The following COIL variants were observed in gnomAD, a reference collection of about 807,000 sequenced individuals.
COIL encodes coilin p80.
A neutral mutation model predicts 51.6 loss-of-function variants in COIL; 28 were observed. That is an observed-to-expected ratio of 0.54 (90% CI 0.40 to 0.74). The LOEUF is 0.74. COIL is among the 30% of genes least tolerant of loss of function. COIL has a pLI of 0.00. For synonymous variants in COIL, 233 were observed against 255.8 expected (o/e 0.91, Z 0.85); for missense variants, 667 against 685.9 (o/e 0.97, Z 0.31).
At chr17:56,959,112 A>G (rs932363334) in intron 1 of COIL, among the ~76,000 whole-genome samples, 1 of 152,138 alleles carries the variant, frequency 6.6e-6, no homozygotes, top group African/African-American at 2.4e-5. Context: ...TGGGGGGCTG[A>G]GGTGAGAGGA....
rs775815990 is a variant in COIL at position 56,942,130 on chromosome 17, CAAG to C, written c.1559-10_1559-8del. The C allele has an allele frequency of 1.2e-6, 2 of 1,607,688 alleles. No homozygotes were observed. Among genetic ancestry groups the C allele is most frequent in the Non-Finnish European group, 8.5e-7 (1 of 1,174,152 alleles). On this transcript the variant is annotated splice_region_variant and splice_polypyrimidine_tract_variant and intron_variant, in intron 5 of 6. Coordinates refer to ENST00000240316, the MANE Select transcript of COIL (RefSeq NM_004645.3). ...TTCCCAGGTTCTCTCAAGGCTGAAA[CAAG>C]AAGATAGGGAGGAAAGAGAGTAAGT... is the stretch of plus-strand genomic sequence containing the variant.
rs552680379 is a variant in COIL, at chr17:56,951,148, C to A, written c.246-152G>T. 56 of 745,414 alleles carry A rather than the reference C, an allele frequency of 7.5e-5. No individual in the cohort carries two copies. The African/African-American group carries it at 9.5e-4, about 13-fold the overall frequency. 46.2% of individuals were successfully genotyped at this position (745,414 alleles called of 1,614,324 possible). On this transcript the variant is annotated intron_variant, in intron 1 of 6. Coordinates refer to ENST00000240316, the MANE Select transcript of COIL (RefSeq NM_004645.3). ...CTTAAAGACAAAAGACTCTTTCTGG[C>A]AAAATGGCCTATGTAGCATTACTCA...
Position 56,950,176 on chromosome 17 carries a change from C to G in COIL, c.1066G>C (p.Gly356Arg). 6.2e-7 allele frequency: 1 copy of G among 1,614,150 alleles called. No individual in the cohort carries two copies. The highest frequency in any genetic ancestry group is 8.5e-7 in the Non-Finnish European group (1 of 1,180,028). ...GCACCTGCAGTCTGTGATGACAGCCCTGGGCCTGGACGACCTCTTCCTGCA... is the reference window on the plus strand; with the variant it reads ...GCACCTGCAGTCTGTGATGACAGCCGTGGGCCTGGACGACCTCTTCCTGCA... ...LFAGRGRPGP[G>R]LSSQTAGAAG... The change falls in exon 2 of 7, where the codon GGG becomes CGG. Residue 356 changes from glycine (G) to arginine (R), a missense_variant. Coordinates refer to ENST00000240316, the MANE Select transcript of COIL (RefSeq NM_004645.3).
At chr17:56,949,282 T>G (rs1465181422) in intron 4 of COIL, 105 bp downstream of exon 4, 2 of 854,852 alleles carry the variant, frequency 2.3e-6, no homozygotes, top group African/African-American at 1.8e-5. Flanking sequence ...TCTGGCATTT[T>G]TATTTAGTAA....
intron 1 of COIL, among the ~76,000 whole-genome samples, chr17:56,954,249 C>T (rs1454572286): frequency 2.6e-5 from 4 of 152,102 alleles, no homozygotes; most frequent in East Asian, 1.9e-4. Flanking sequence ...CTCTTAGCAT[C>T]GTCTCATCCA....
At chr17:56,948,301 A>AT (rs927786680) in intron 4 of COIL, among the ~76,000 whole-genome samples, 43 of 145,676 alleles carry the variant, frequency 3.0e-4, no homozygotes, top group East Asian at 8.0e-4. Context: ...TGCCCCGCTA[A>AT]TTTTTTTTTT....
chr17:56,940,037 GA>G (rs1205289926), intron 6 of COIL: 1 of 152,090 alleles, frequency 6.6e-6, no homozygotes, highest in Non-Finnish European at 1.5e-5. Flanking sequence ...CCCACCAAGA[GA>G]AAAACTCTAA....
rs776892097 is a variant in COIL, at chr17:56,960,831, C to T, written c.189G>A (p.Gly63=). 1 of 1,602,268 alleles carries T rather than the reference C, an allele frequency of 6.2e-7. No homozygotes were observed. Among genetic ancestry groups the T allele is most frequent in the Non-Finnish European group, 8.5e-7 (1 of 1,175,232 alleles). Residue 63 remains glycine, a synonymous_variant, in exon 1 of 7, where the codon GGG becomes GGA. Transcript: ENST00000240316. The part of the protein sequence containing the change: ...SGAFLGLYLE[G]GLLPPAESAR... ...CGCTCTCGGCGGGGGGCAAGAGCCC[C>T]CCCTCCAGGTAGAGGCCTAGGAAGG...
intron 1 of COIL, among the ~76,000 whole-genome samples, chr17:56,953,178 A>G (rs533774911): frequency 3.0e-4 from 46 of 152,060 alleles, no homozygotes; most frequent in Admixed American, 7.2e-4. Flanking sequence ...TTGGGAGGTC[A>G]AGGTGGGTGG....
At chr17:56,959,785 A>G (rs1910549146) in intron 1 of COIL, among the ~76,000 whole-genome samples, 1 of 152,272 alleles carries the variant, frequency 6.6e-6, no homozygotes. Context: ...CACGCAACAG[A>G]GTCGCACAGT....
chr17:56,952,408 T>C (rs1910390971), intron 1 of COIL: 1 of 398,166 alleles, frequency 2.5e-6, no homozygotes, highest in Non-Finnish European at 4.8e-6. Context: ...TTTATAACGA[T>C]GTAATACGTA....
At chr17:56,946,249 T>C (rs1243382440) in intron 5 of COIL, among the ~76,000 whole-genome samples, 193 bp downstream of exon 5, 1 of 152,198 alleles carries the variant, frequency 6.6e-6, no homozygotes, top group African/African-American at 2.4e-5. Flanking sequence ...ATTACAGTAA[T>C]AAGAACTAGC....
intron 1 of COIL, chr17:56,951,821 C>G (rs1282050476): frequency 6.8e-6 from 1 of 147,482 alleles, no homozygotes; most frequent in Non-Finnish European, 1.5e-5. Flanking sequence ...TTTTTTGAGA[C>G]GGAGTCCCAA....
At chr17:56,955,931 C>A (rs1221953173) in intron 1 of COIL, among the ~76,000 whole-genome samples, 1 of 152,104 alleles carries the variant, frequency 6.6e-6, no homozygotes, top group African/African-American at 2.4e-5. Flanking sequence ...CACTAAAGCA[C>A]TATGTAGCAA....
At chr17:56,960,148 C>T (rs1452010184) in intron 1 of COIL, among the ~76,000 whole-genome samples, 4 of 151,694 alleles carry the variant, frequency 2.6e-5, no homozygotes, top group Non-Finnish European at 5.9e-5. Context: ...CGATTGAACC[C>T]GGGAGGTGGA....
At chr17:56,955,030 A>T (rs1910456603) in intron 1 of COIL, among the ~76,000 whole-genome samples, 1 of 152,188 alleles carries the variant, frequency 6.6e-6, no homozygotes, top group Admixed American at 6.5e-5. Context: ...TACCTAGGTC[A>T]CTAGTGACGA....
rs565595630 is a variant in COIL at position 56,958,799 on chromosome 17, A to G, written c.245+1976T>C. 5.9e-5 allele frequency among the ~76,000 whole-genome samples: 9 copies of G among 151,626 alleles called. No individual in the cohort carries two copies. In the East Asian group the frequency reaches 1.2e-3, roughly 19 times the overall value. ...TATTTCACAGTCAATAAAAAGGGGG[A>G]AAAAAAACTCTTTGAAATTTGGATT... On this transcript the variant is annotated intron_variant, in intron 1 of 6. Coordinates refer to ENST00000240316, the MANE Select transcript of COIL (RefSeq NM_004645.3).
chr17:56,953,221 C>G (rs886938057), intron 1 of COIL, among the ~76,000 whole-genome samples: 1 of 151,836 alleles, frequency 6.6e-6, no homozygotes, highest in African/African-American at 2.4e-5. Flanking sequence ...ACCATCCTGG[C>G]TAACACAGTG....
intron 4 of COIL, among the ~76,000 whole-genome samples, chr17:56,947,557 A>G (rs1009473124): frequency 6.6e-6 from 1 of 151,974 alleles, no homozygotes; most frequent in Admixed American, 6.6e-5. Flanking sequence ...TGCAACCCCC[A>G]CCTACTGCGT....
Sources: gnomAD v4.1 joint callset for allele counts (sites outside exome capture counted in the v4.1 genomes callset) on GRCh38, gnomAD v4.1.1 for gene constraint, MANE v1.5 for transcripts, NCBI Gene and HGNC (gene_info 2026-07-23, HGNC 2026-07-21) for gene names.